CACNB2: variants seen among roughly 807,000 people sequenced by gnomAD.
The protein encoded by CACNB2 is calcium voltage-gated channel auxiliary subunit beta 2.
A neutral mutation model predicts 73.3 loss-of-function variants in CACNB2; 42 were observed. That is an observed-to-expected ratio of 0.57 (90% CI 0.45 to 0.74). The LOEUF is 0.74. Among genes scored for constraint, CACNB2 ranks in the 30% least tolerant of loss-of-function variants. CACNB2 has a pLI of 0.00. For synonymous variants in CACNB2, 348 were observed against 310.3 expected (o/e 1.12, Z -1.28); for missense variants, 940 against 853.0 (o/e 1.10, Z -1.27).
At chr10:18,376,549 C>G (rs2042805572) in intron 2 of CACNB2, among the ~76,000 whole-genome samples, 2 of 152,142 alleles carry the variant, frequency 1.3e-5, no homozygotes, top group South Asian at 4.1e-4. Flanking sequence ...ATAAAATAAA[C>G]TTGAGAGGGG....
At chr10:18,199,137 G>A (rs561090940) in intron 2 of CACNB2, among the ~76,000 whole-genome samples, 22 of 152,172 alleles carry the variant, frequency 1.4e-4, no homozygotes, top group Non-Finnish European at 2.9e-4. Flanking sequence ...CATTGAAACT[G>A]TGAAGGTACC....
chr10:18,487,530 C>A (rs927638074), intron 3 of CACNB2, among the ~76,000 whole-genome samples: 1 of 152,080 alleles, frequency 6.6e-6, no homozygotes, highest in South Asian at 2.1e-4. Flanking sequence ...TCTTCAGCAG[C>A]CTTCTCAAGA....
At chr10:18,340,684 T>C in intron 2 of CACNB2, 1 of 1,399,854 alleles carries the variant, frequency 7.1e-7, no homozygotes. Flanking sequence ...GTTTGTTAAT[T>C]GACTTTGATG....
At chr10:18,328,377 G>A (rs1164534863) in intron 2 of CACNB2, among the ~76,000 whole-genome samples, 1 of 152,168 alleles carries the variant, frequency 6.6e-6, no homozygotes, top group Non-Finnish European at 1.5e-5. Flanking sequence ...CCACTTTGCA[G>A]CAAGGCTGAG....
At chr10:18,422,291 A>G (rs1201770325) in intron 3 of CACNB2, among the ~76,000 whole-genome samples, 1 of 152,234 alleles carries the variant, frequency 6.6e-6, no homozygotes. Flanking sequence ...TATTCCATTT[A>G]GATAGCTAGA....
chr10:18,522,741 G>A (rs1243683015), intron 9 of CACNB2, among the ~76,000 whole-genome samples: 1 of 152,016 alleles, frequency 6.6e-6, no homozygotes, highest in Non-Finnish European at 1.5e-5. Context: ...AGCTGGGCAT[G>A]TTGGCGGGTG....
intron 3 of CACNB2, among the ~76,000 whole-genome samples, chr10:18,481,995 T>G (rs1231685243): frequency 6.6e-6 from 1 of 152,124 alleles, no homozygotes; most frequent in Non-Finnish European, 1.5e-5. Flanking sequence ...GTTCAAGCAA[T>G]TCTCTTGCCT....
intron 9 of CACNB2, among the ~76,000 whole-genome samples, chr10:18,524,759 T>G (rs1251446715): frequency 6.6e-6 from 1 of 151,328 alleles, no homozygotes; most frequent in Non-Finnish European, 1.5e-5. Context: ...GTGCAGCAGT[T>G]CACACCTGTA....
chr10:18,269,017 T>C (rs2489218), intron 2 of CACNB2, among the ~76,000 whole-genome samples: 31,307 of 152,064 alleles, frequency 0.21, 3,527 homozygotes, highest in South Asian at 0.31. Context: ...TGAGATGTTA[T>C]ATGTGGAGGT....
chr10:18,440,828 A>G (rs969051785), intron 3 of CACNB2, among the ~76,000 whole-genome samples: 3 of 152,256 alleles, frequency 2.0e-5, no homozygotes, highest in African/African-American at 7.2e-5. Context: ...GAAAGGGGAA[A>G]GAGAGGCAGG....
At chr10:18,468,864 G>T (rs1230296879) in intron 3 of CACNB2, among the ~76,000 whole-genome samples, 1 of 152,132 alleles carries the variant, frequency 6.6e-6, no homozygotes, top group African/African-American at 2.4e-5. Context: ...CTCCCAAAGT[G>T]CTGGGATTAC....
At chr10:18,316,261 T>C (rs1055171983) in intron 2 of CACNB2, among the ~76,000 whole-genome samples, 1 of 152,160 alleles carries the variant, frequency 6.6e-6, no homozygotes, top group Non-Finnish European at 1.5e-5. Context: ...ATCTACTTAT[T>C]CAATTCCCTA....
intron 3 of CACNB2, among the ~76,000 whole-genome samples, chr10:18,474,774 C>A (rs549106459): frequency 7.9e-4 from 118 of 150,056 alleles, no homozygotes; most frequent in Non-Finnish European, 1.3e-3. Context: ...GGGTTGTTTT[C>A]CCCCCCAACA....
intron 3 of CACNB2, among the ~76,000 whole-genome samples, chr10:18,468,439 G>GT (rs773926239): frequency 4.1e-4 from 62 of 152,032 alleles, no homozygotes; most frequent in Non-Finnish European, 7.9e-4. Flanking sequence ...CCAGCCTGGA[G>GT]TCAGATCCTG....
At chr10:18,179,452 C>G (rs576768825) in intron 2 of CACNB2, among the ~76,000 whole-genome samples, 2 of 152,158 alleles carry the variant, frequency 1.3e-5, no homozygotes, top group South Asian at 2.1e-4. Context: ...TGTAACTTAC[C>G]TGGTCATTGC....
chr10:18,408,605 C>A (rs1035063738), intron 3 of CACNB2, among the ~76,000 whole-genome samples: 38 of 152,108 alleles, frequency 2.5e-4, no homozygotes, highest in African/African-American at 9.2e-4. Flanking sequence ...AAATCTCTTA[C>A]AAACACATAG....
intron 2 of CACNB2, among the ~76,000 whole-genome samples, chr10:18,255,889 T>C (rs1034258675): frequency 6.6e-6 from 1 of 152,228 alleles, no homozygotes; most frequent in Admixed American, 6.5e-5. Flanking sequence ...TCTTTAGGTC[T>C]TTCATTTCTT....
At chr10:18,259,570 A>AGAAAAC (rs1430391519) in intron 2 of CACNB2, among the ~76,000 whole-genome samples, 31,615 of 114,398 alleles carry the variant, frequency 0.28, 5,266 homozygotes, top group African/African-American at 0.36. Flanking sequence ...CAAACAAAAA[A>AGAAAAC]AAAAAGTAAA....
rs187232005 is a variant in CACNB2, at chr10:18,276,978, G to A, written c.214-124946G>A. On this transcript the variant is annotated intron_variant, in intron 2 of 13. Coordinates refer to ENST00000324631, the MANE Select transcript of CACNB2 (RefSeq NM_201596.3). Reference sequence around the variant, plus strand: ...AAAATTAAAAAATTATTAGCCTGGTGTGGTGGTACGCACCTGCAGTCCCAG... The same window carrying A: ...AAAATTAAAAAATTATTAGCCTGGTATGGTGGTACGCACCTGCAGTCCCAG... 1.4e-3 allele frequency among the ~76,000 whole-genome samples: 216 copies of A among 152,310 alleles called. 1 individual carries two copies. Among genetic ancestry groups the A allele is most frequent in the African/African-American group, 5.0e-3 (208 of 41,570 alleles).
Sources: allele counts gnomAD v4.1 joint callset (sites outside exome capture counted in the v4.1 genomes callset), GRCh38; gene constraint gnomAD v4.1.1; transcripts MANE v1.5; gene names NCBI Gene and HGNC (gene_info 2026-07-23, HGNC 2026-07-21).